The following NMNAT2 variants were observed in gnomAD, a reference collection of about 807,000 sequenced individuals.
The protein encoded by NMNAT2 is nicotinamide nucleotide adenylyltransferase 2.
NMNAT2 carries 11 observed loss-of-function variants against 41.6 expected under a neutral mutation model. The observed-to-expected ratio is 0.26, with a 90% CI of 0.17 to 0.44. The LOEUF (loss-of-function observed/expected upper bound fraction) is 0.44. Among genes scored for constraint, NMNAT2 ranks in the 20% least tolerant of loss-of-function variants. The probability of loss-of-function intolerance (pLI) is 1.00; values close to 1 mark genes in which losing one functional copy is unlikely to be tolerated. For missense variants in NMNAT2, 288 were observed against 407.7 expected (o/e 0.71, Z 2.53); for synonymous variants, 148 against 151.2 (o/e 0.98, Z 0.16).
intron 1 of NMNAT2, among the ~76,000 whole-genome samples, chr1:183,360,075 C>T (rs1445258592): frequency 6.6e-6 from 1 of 152,106 alleles, no homozygotes; most frequent in African/African-American, 2.4e-5. Context: ...TCCTTCGAGC[C>T]TGACAGTGAG....
chr1:183,293,658 TG>T, intron 2 of NMNAT2, 46 bp downstream of exon 2: 2 of 1,371,582 alleles, frequency 1.5e-6, no homozygotes, highest in Non-Finnish European at 2.1e-6. Flanking sequence ...AGGCCAGGGA[TG>T]GGGGGACGGG....
intron 1 of NMNAT2, among the ~76,000 whole-genome samples, chr1:183,339,754 G>C (rs1557882924): frequency 7.7e-6 from 1 of 129,712 alleles, no homozygotes; most frequent in South Asian, 2.7e-4. Context: ...TGCCACCCAG[G>C]GAGGTACCAT....
intron 1 of NMNAT2, among the ~76,000 whole-genome samples, chr1:183,394,221 G>T (rs754529673): frequency 3.3e-5 from 5 of 152,152 alleles, no homozygotes; most frequent in African/African-American, 4.8e-5. Flanking sequence ...TATGCATTTG[G>T]GTATCAAAGA....
intron 1 of NMNAT2, among the ~76,000 whole-genome samples, chr1:183,329,227 C>T (rs1029989265): frequency 6.6e-6 from 1 of 151,988 alleles, no homozygotes; most frequent in Admixed American, 6.6e-5. Flanking sequence ...AAACAAATAT[C>T]CATTTTAATT....
At chr1:183,363,351 A>T (rs1663344672) in intron 1 of NMNAT2, among the ~76,000 whole-genome samples, 1 of 152,220 alleles carries the variant, frequency 6.6e-6, no homozygotes, top group Non-Finnish European at 1.5e-5. Context: ...TATTGTGAGG[A>T]ACAAGTGAAT....
chr1:183,265,025 A>C (rs563180385), intron 8 of NMNAT2, among the ~76,000 whole-genome samples: 45 of 152,266 alleles, frequency 3.0e-4, no homozygotes, highest in Middle Eastern at 6.8e-3. Flanking sequence ...TTTTAAAAGC[A>C]CACTAAAGGC....
chr1:183,321,875 G>A (rs929497012), intron 1 of NMNAT2, among the ~76,000 whole-genome samples: 6 of 152,192 alleles, frequency 3.9e-5, no homozygotes, highest in African/African-American at 1.4e-4. Flanking sequence ...CTGGAGTGCA[G>A]TGGTGCGATC....
intron 1 of NMNAT2, among the ~76,000 whole-genome samples, chr1:183,294,275 T>G (rs1661623241): frequency 6.6e-6 from 1 of 152,212 alleles, no homozygotes; most frequent in Non-Finnish European, 1.5e-5. Flanking sequence ...GCCTTGTAGA[T>G]AATTACAAAG....
chr1:183,379,042 C>CA (rs1311878096), intron 1 of NMNAT2, among the ~76,000 whole-genome samples: 1 of 112,642 alleles, frequency 8.9e-6, no homozygotes, highest in African/African-American at 3.0e-5. Flanking sequence ...GACTCTGTCT[C>CA]AAAAAATATC....
rs1265517586 is a variant in NMNAT2, at chr1:183,250,934, A to G, written c.*1707T>C. 6.6e-6 allele frequency: 1 copy of G among 152,474 alleles called. No homozygotes were observed. The highest frequency in any genetic ancestry group is 2.4e-5 in the African/African-American group (1 of 41,468). 9.4% of individuals were successfully genotyped at this position (152,474 alleles called of 1,614,324 possible). A position where few individuals can be genotyped will look rare whatever the true frequency, so the allele number is the denominator to read the frequency against. On this transcript the variant is annotated 3_prime_UTR_variant, in exon 11 of 11. Transcript: ENST00000287713. ...GCCCTTTCTGGCCGTAGCTGGTACT[A>G]GATTTTGATAAAAGTATCCTAATAC...
intron 1 of NMNAT2, among the ~76,000 whole-genome samples, chr1:183,373,798 A>C (rs1439788813): frequency 6.6e-6 from 1 of 151,882 alleles, no homozygotes; most frequent in East Asian, 1.9e-4. Context: ...TTGTATTTTT[A>C]GTAGAGATGA....
intron 1 of NMNAT2, among the ~76,000 whole-genome samples, chr1:183,352,562 C>CAAAAA (rs55706245): frequency 2.5e-5 from 2 of 79,162 alleles, no homozygotes; most frequent in Non-Finnish European, 4.8e-5. Context: ...CAGTCTGTCT[C>CAAAAA]AAAAAAAAAA....
chr1:183,274,819 A>G (rs1661083404), intron 8 of NMNAT2, among the ~76,000 whole-genome samples: 1 of 151,532 alleles, frequency 6.6e-6, no homozygotes, highest in Non-Finnish European at 1.5e-5. Context: ...TGAAGCGGGG[A>G]GAGAAAATAG....
At chr1:183,406,792 A>T (rs922511518) in intron 1 of NMNAT2, among the ~76,000 whole-genome samples, 1 of 127,668 alleles carries the variant, frequency 7.8e-6, no homozygotes, top group Non-Finnish European at 1.7e-5. Context: ...TAAAAAAGAA[A>T]CTCAACTGCT....
At chr1:183,333,716 T>C (rs757451992) in intron 1 of NMNAT2, among the ~76,000 whole-genome samples, 4 of 151,830 alleles carry the variant, frequency 2.6e-5, no homozygotes, top group African/African-American at 7.3e-5. Context: ...ACAGCAATAA[T>C]AGGAAACGAA....
At chr1:183,293,876 T>G in intron 1 of NMNAT2, 83 bp from the exon 2 acceptor site, 1 of 935,990 alleles carries the variant, frequency 1.1e-6, no homozygotes, top group Non-Finnish European at 1.7e-6. Context: ...CGCTCAGCTC[T>G]GTAATGCTGG....
chr1:183,256,945 T>C (rs760887610), intron 10 of NMNAT2, among the ~76,000 whole-genome samples: 4 of 151,558 alleles, frequency 2.6e-5, no homozygotes, highest in Non-Finnish European at 4.4e-5. Context: ...AGAGATGGGG[T>C]TTAACCATAT....
chr1:183,260,242 A>G (rs1571556073), intron 10 of NMNAT2, among the ~76,000 whole-genome samples: 1 of 152,134 alleles, frequency 6.6e-6, no homozygotes. Flanking sequence ...GCCTTTTTCC[A>G]CTGGCTGAGA....
At chr1:183,387,808 C>T (rs996859654) in intron 1 of NMNAT2, among the ~76,000 whole-genome samples, 1 of 152,168 alleles carries the variant, frequency 6.6e-6, no homozygotes, top group African/African-American at 2.4e-5. Flanking sequence ...AGAGGTAAAT[C>T]TCTTTTTTGT....
Sources: gnomAD v4.1 joint callset for allele counts (sites outside exome capture counted in the v4.1 genomes callset) on GRCh38, gnomAD v4.1.1 for gene constraint, MANE v1.5 for transcripts, NCBI Gene and HGNC (gene_info 2026-07-23, HGNC 2026-07-21) for gene names.